Variants in VPS13D observed in about 807,000 individuals in gnomAD.
The protein encoded by VPS13D is vacuolar protein sorting 13 homolog D, also known as intermembrane lipid transfer protein VPS13D.
In VPS13D, 187 loss-of-function variants were observed where a neutral mutation model predicts 461.9. That is an observed-to-expected ratio of 0.40 (90% CI 0.36 to 0.46). VPS13D has a LOEUF of 0.46. VPS13D is among the 20% of genes least tolerant of loss of function. VPS13D has a pLI of 0.60. For synonymous variants in VPS13D, 1,951 were observed against 1,986.3 expected (o/e 0.98, Z 0.47); for missense variants, 4,711 against 5,364.9 (o/e 0.88, Z 3.81).
chr1:12,266,945 TG>T lies in VPS13D; in HGVS notation c.1661del (p.Gly554AspfsTer17). 1 of 1,611,070 alleles carries T rather than the reference TG, an allele frequency of 6.2e-7. No homozygotes were observed. The highest frequency in any genetic ancestry group is 8.5e-7 in the Non-Finnish European group (1 of 1,179,086). ...CCTCGTTGCTTTCAGTCCGGTTGGG[TG>T]GACTGTTTCTTCGAGACCTGGCTAC... Reference protein sequence around the residue: ...NSSLLSVRLGGLFLRDLATEG... With the variant: ...NSSLLSVRLGXLFLRDLATEG... On this transcript the variant is annotated frameshift_variant, in exon 14 of 70. Coordinates refer to ENST00000620676, the MANE Select transcript of VPS13D (RefSeq NM_015378.4). LOFTEE classifies it high-confidence loss of function.
chr1:12,389,467 T>C (rs1361335425), intron 60 of VPS13D, among the ~76,000 whole-genome samples: 1 of 152,188 alleles, frequency 6.6e-6, no homozygotes, highest in African/African-American at 2.4e-5. Flanking sequence ...CAAATACTAT[T>C]ACATAAAGTT....
chr1:12,417,699 G>A lies in VPS13D; in HGVS notation c.12333+872G>A, dbSNP rs11121905. Among the ~76,000 whole-genome samples, 1,480 of 152,278 alleles carry A rather than the reference G, an allele frequency of 9.7e-3. 27 individuals carry two copies. Among genetic ancestry groups the A allele is most frequent in the African/African-American group, 0.033 (1,351 of 41,558 alleles). ...ACCGCGTAGAAATGTATCTTGAAGAGGAGGTAAGAGAGTCGAGTTGAATAG... is the reference window on the plus strand; with the variant it reads ...ACCGCGTAGAAATGTATCTTGAAGAAGAGGTAAGAGAGTCGAGTTGAATAG... On this transcript the variant is annotated intron_variant, in intron 65 of 69. Coordinates refer to ENST00000620676, the MANE Select transcript of VPS13D (RefSeq NM_015378.4).
chr1:12,425,080 TTAAG>T, intron 65 of VPS13D, among the ~76,000 whole-genome samples: 1 of 152,288 alleles, frequency 6.6e-6, no homozygotes, highest in South Asian at 2.1e-4. Context: ...GTGACAAACT[TTAAG>T]TGAGATAAAA....
chr1:12,440,974 GGAGTGCAAT>G (rs2100340943), intron 65 of VPS13D, among the ~76,000 whole-genome samples: 1 of 152,056 alleles, frequency 6.6e-6, no homozygotes, highest in Non-Finnish European at 1.5e-5. Flanking sequence ...CACCCAGGGT[GGAGTGCAAT>G]GGTGCAATCT....
At chr1:12,300,963 A>G (rs771833609) in intron 25 of VPS13D, among the ~76,000 whole-genome samples, 4 of 152,204 alleles carry the variant, frequency 2.6e-5, no homozygotes, top group Admixed American at 6.5e-5. Context: ...ACTTACTGAA[A>G]TTCCCAGCTA....
At chr1:12,434,742 T>C (rs1645037734) in intron 65 of VPS13D, among the ~76,000 whole-genome samples, 1 of 152,248 alleles carries the variant, frequency 6.6e-6, no homozygotes, top group Admixed American at 6.5e-5. Flanking sequence ...TATATTATTC[T>C]GATACATTCC....
At chr1:12,484,788 A>C (rs907342296) in intron 67 of VPS13D, among the ~76,000 whole-genome samples, 1 of 151,738 alleles carries the variant, frequency 6.6e-6, no homozygotes, top group African/African-American at 2.4e-5. Flanking sequence ...GTTTTTACGG[A>C]GTGTCCTCGG....
At chr1:12,493,464 C>T (rs1488375504) in intron 67 of VPS13D, among the ~76,000 whole-genome samples, 5 of 135,958 alleles carry the variant, frequency 3.7e-5, no homozygotes, top group African/African-American at 1.4e-4. Flanking sequence ...GCCTGGGTGA[C>T]AGAGCGAGAC....
rs1266569982 is a variant in VPS13D at position 12,323,477 on chromosome 1, C to T, written c.7916-229C>T. ...CGAAATAGACCTTCCCCCCCCACCC[C>T]AATTCCTGGCCAGGACACCACTTTA... is the stretch of plus-strand genomic sequence containing the variant. On this transcript the variant is annotated intron_variant, in intron 34 of 69. Coordinates refer to ENST00000620676, the MANE Select transcript of VPS13D (RefSeq NM_015378.4). 2.6e-5 allele frequency among the ~76,000 whole-genome samples: 4 copies of T among 151,982 alleles called. No individual in the cohort carries two copies. In the East Asian group the frequency reaches 7.7e-4, roughly 29 times the overall value.
chr1:12,501,693 G>A (rs1377046569), intron 68 of VPS13D, among the ~76,000 whole-genome samples: 4 of 152,314 alleles, frequency 2.6e-5, no homozygotes, highest in Admixed American at 2.0e-4. Context: ...TCCTCAGTGC[G>A]TTCACAGTTT....
intron 2 of VPS13D, among the ~76,000 whole-genome samples, chr1:12,236,026 T>G (rs750144761): frequency 6.6e-5 from 10 of 152,260 alleles, no homozygotes; most frequent in Non-Finnish European, 1.3e-4. Context: ...CTAACATTTC[T>G]CAGCAGTTTT....
Position 12,256,519 on chromosome 1 carries a change from T to C in VPS13D, c.840+16T>C. On this transcript the variant is annotated intron_variant, in intron 8 of 69. Transcript: ENST00000620676. ...ACTCTCTCAGGTATGCCCTTTCTTC[T>C]CAGTGGCATCTACTTACTGTCAAAC... 1 of 1,612,784 alleles carries C rather than the reference T, an allele frequency of 6.2e-7. No homozygotes were observed. Among genetic ancestry groups the C allele is most frequent in the African/African-American group, 1.3e-5 (1 of 75,016 alleles).
intron 67 of VPS13D, among the ~76,000 whole-genome samples, chr1:12,496,191 A>G (rs1228629418): frequency 2.6e-5 from 4 of 152,234 alleles, no homozygotes; most frequent in Non-Finnish European, 5.9e-5. Flanking sequence ...AGAGAGTACA[A>G]TTAATAGTAC....
intron 2 of VPS13D, among the ~76,000 whole-genome samples, chr1:12,238,264 C>A (rs904888004): frequency 7.3e-6 from 1 of 136,172 alleles, no homozygotes; most frequent in Non-Finnish European, 1.5e-5. Flanking sequence ...TTGTAATCCC[C>A]CAAAATACAT....
At chr1:12,442,179 CAGATTAAAAAAGT>C (rs1241267445) in intron 65 of VPS13D, among the ~76,000 whole-genome samples, 1 of 152,026 alleles carries the variant, frequency 6.6e-6, no homozygotes, top group Non-Finnish European at 1.5e-5. Flanking sequence ...ATTCTCTTGT[CAGATTAAAAAAGT>C]AGAAACAAGT....
At chr1:12,270,784 C>A (rs894540424) in intron 16 of VPS13D, among the ~76,000 whole-genome samples, 5 of 152,156 alleles carry the variant, frequency 3.3e-5, no homozygotes, top group Non-Finnish European at 1.5e-5. Context: ...GGCGTGATCA[C>A]GGCTCACTGC....
chr1:12,462,508 A>C (rs1214051458), intron 67 of VPS13D, among the ~76,000 whole-genome samples: 2 of 152,246 alleles, frequency 1.3e-5, no homozygotes, highest in Non-Finnish European at 2.9e-5. Context: ...AAATGAGGAC[A>C]AGACAGTCCA....
intron 65 of VPS13D, among the ~76,000 whole-genome samples, chr1:12,428,476 G>A (rs1209755039): frequency 6.6e-6 from 1 of 152,238 alleles, no homozygotes; most frequent in African/African-American, 2.4e-5. Flanking sequence ...CCACATTGGA[G>A]AAGTCAGGTT....
intron 37 of VPS13D, among the ~76,000 whole-genome samples, chr1:12,332,832 G>A (rs1019483447): frequency 1.3e-5 from 2 of 152,212 alleles, no homozygotes; most frequent in African/African-American, 4.8e-5. Context: ...TATTGGTCCT[G>A]TAACCAGGAG....
Sources: gnomAD v4.1 joint callset for allele counts (sites outside exome capture counted in the v4.1 genomes callset) on GRCh38, gnomAD v4.1.1 for gene constraint, MANE v1.5 for transcripts, NCBI Gene and HGNC (gene_info 2026-07-23, HGNC 2026-07-21) for gene names.